C21orf91: variants seen among roughly 807,000 people sequenced by gnomAD.
C21orf91 encodes the protein chromosome 21 open reading frame 91.
C21orf91 carries 26 observed loss-of-function variants against 32.9 expected under a neutral mutation model. The ratio of observed to expected loss-of-function variants is 0.79; its 90% CI spans 0.58 to 1.10. The LOEUF (loss-of-function observed/expected upper bound fraction) is 1.10. Among genes scored for constraint, C21orf91 ranks in the 50% least tolerant of loss-of-function variants. C21orf91 has a pLI of 0.00. For synonymous variants in C21orf91, 126 were observed against 120.4 expected (o/e 1.05, Z -0.31); for missense variants, 310 against 341.3 (o/e 0.91, Z 0.72).
chr21:17,791,438 T>C lies in C21orf91; in HGVS notation c.*1977A>G, dbSNP rs2062473196. On this transcript the variant is annotated 3_prime_UTR_variant, in exon 5 of 5. Coordinates refer to ENST00000284881, the MANE Select transcript of C21orf91 (RefSeq NM_001100420.2). ...AAACTCCTTTCTTTGGATAACACTGTTGTATTCAGGACTGCAACTTATGGC... is the reference window on the plus strand; with the variant it reads ...AAACTCCTTTCTTTGGATAACACTGCTGTATTCAGGACTGCAACTTATGGC... 6.6e-6 allele frequency: 1 copy of C among 152,148 alleles called. No homozygotes were observed. Among genetic ancestry groups the C allele is most frequent in the African/African-American group, 2.4e-5 (1 of 41,452 alleles). The allele number at this position is 152,148 out of a possible 1,614,324, so 9.4% of individuals were successfully genotyped here. A position where few individuals can be genotyped will look rare whatever the true frequency, so the allele number is the denominator to read the frequency against.
rs753200483 is a variant in C21orf91 at position 17,797,135 on chromosome 21, GAAAC to G, written c.128-21_128-18del. ...TTGGTACCCCTATGGAAAAAAAAGA[GAAAC>G]AAAAGACTTGAGAAATTTTGTTTTC... On this transcript the variant is annotated intron_variant, in intron 2 of 4. Transcript: ENST00000284881. The G allele has an allele frequency of 6.6e-7, 1 of 1,522,216 alleles. No homozygotes were observed. The highest frequency in any genetic ancestry group is 1.3e-5 in the South Asian group (1 of 78,852). 94.3% of individuals were successfully genotyped at this position (1,522,216 alleles called of 1,614,324 possible).
intron 2 of C21orf91, among the ~76,000 whole-genome samples, chr21:17,800,319 A>G (rs995582118): frequency 2.6e-5 from 4 of 152,210 alleles, no homozygotes; most frequent in African/African-American, 9.6e-5. Flanking sequence ...CAGCAGTAGC[A>G]TAGGAAACAA....
chr21:17,809,600 G>C (rs954961384), intron 2 of C21orf91, among the ~76,000 whole-genome samples: 1 of 152,106 alleles, frequency 6.6e-6, no homozygotes, highest in African/African-American at 2.4e-5. Context: ...AAACTGGAAG[G>C]TGCTTTTAGT....
At chr21:17,803,516 T>TA (rs967029761) in intron 2 of C21orf91, among the ~76,000 whole-genome samples, 3 of 151,686 alleles carry the variant, frequency 2.0e-5, no homozygotes, top group South Asian at 2.1e-4. Context: ...CCCTGTGTCT[T>TA]AAAAAAAAGA....
At chr21:17,809,139 T>C (rs556774296) in intron 2 of C21orf91, among the ~76,000 whole-genome samples, 3 of 152,310 alleles carry the variant, frequency 2.0e-5, no homozygotes, top group African/African-American at 7.2e-5. Flanking sequence ...CTTCATAAAT[T>C]ACCCAGTCTC....
intron 2 of C21orf91, among the ~76,000 whole-genome samples, chr21:17,806,478 A>G (rs1204406065): frequency 6.6e-6 from 1 of 151,386 alleles, no homozygotes; most frequent in Non-Finnish European, 1.5e-5. Context: ...TTACATAGAA[A>G]ATAACTGTAG....
At chr21:17,799,467 C>T (rs529172588) in intron 2 of C21orf91, among the ~76,000 whole-genome samples, 2 of 152,248 alleles carry the variant, frequency 1.3e-5, no homozygotes, top group Admixed American at 6.5e-5. Context: ...CCTGGGTGTC[C>T]TCCTTGAAAG....
At position 17,815,515 on chromosome 21, in the gene C21orf91, C is replaced by T. The variant is rs1012958635; in HGVS notation, c.127+2677G>A. Among the ~76,000 whole-genome samples, 5 of 152,094 alleles carry T rather than the reference C, an allele frequency of 3.3e-5. 1 individual carries two copies. The highest frequency in any genetic ancestry group is 4.8e-5 in the African/African-American group (2 of 41,480). On this transcript the variant is annotated intron_variant, in intron 2 of 4. Coordinates refer to ENST00000284881, the MANE Select transcript of C21orf91 (RefSeq NM_001100420.2). ...TTCAAAAATATTTTAAAAGATTTAC[C>T]GACAACAAATATACCTTGTTATTTT...
At chr21:17,818,142 C>G in intron 2 of C21orf91, 50 bp downstream of exon 2, 1 of 1,437,152 alleles carries the variant, frequency 7.0e-7, no homozygotes, top group Non-Finnish European at 9.7e-7. Flanking sequence ...CAGTACAAAG[C>G]AGCTGTGTTA....
At chr21:17,799,472 T>G (rs547666641) in intron 2 of C21orf91, among the ~76,000 whole-genome samples, 1 of 152,284 alleles carries the variant, frequency 6.6e-6, no homozygotes, top group South Asian at 2.1e-4. Context: ...GTGTCCTCCT[T>G]GAAAGCTCTT....
chr21:17,796,684 A>C lies in C21orf91; in HGVS notation c.562T>G (p.Leu188Val). ...GCCTGGTTGTGACTATGAGGCCACA[A>C]TACACTGTTACGACATAAAGTGGCA... ...SGATLCRNSV[L>V]WPHSHNQAQK... Residue 188 changes from leucine (L) to valine (V), a missense_variant, in exon 3 of 5, where the codon TTG becomes GTG. Leu to Val is a conservative substitution (Grantham distance 32). Transcript: ENST00000284881. The C allele has an allele frequency of 6.2e-7, 1 of 1,613,970 alleles. No individual in the cohort carries two copies. Among genetic ancestry groups the C allele is most frequent in the Non-Finnish European group, 8.5e-7 (1 of 1,179,822 alleles).
intron 2 of C21orf91, among the ~76,000 whole-genome samples, chr21:17,812,609 A>C (rs1437380820): frequency 6.6e-6 from 1 of 152,134 alleles, no homozygotes; most frequent in East Asian, 1.9e-4. Context: ...GGAGATCGAG[A>C]CCATCCTGGC....
At position 17,789,165 on chromosome 21, in the gene C21orf91, T is replaced by C. The variant is rs1341721348; in HGVS notation, c.*4250A>G. ...CAGTTTCATTTTCTTTTTCCAAAAG[T>C]CTTAACACAATTTTGTAAAGTAAAT... is the stretch of plus-strand genomic sequence containing the variant. On this transcript the variant is annotated 3_prime_UTR_variant, in exon 5 of 5. Transcript: ENST00000284881. 1.3e-5 allele frequency: 2 copies of C among 152,188 alleles called. No individual in the cohort carries two copies. The highest frequency in any genetic ancestry group is 4.8e-5 in the African/African-American group (2 of 41,506). 9.4% of individuals were successfully genotyped at this position (152,188 alleles called of 1,614,324 possible).
At chr21:17,805,292 T>C (rs1343658614) in intron 2 of C21orf91, among the ~76,000 whole-genome samples, 1 of 152,192 alleles carries the variant, frequency 6.6e-6, no homozygotes, top group Non-Finnish European at 1.5e-5. Context: ...CTATCACCAT[T>C]TCTTTTAAAA....
At chr21:17,809,943 A>C (rs1162782558) in intron 2 of C21orf91, among the ~76,000 whole-genome samples, 1 of 152,218 alleles carries the variant, frequency 6.6e-6, no homozygotes, top group East Asian at 1.9e-4. Flanking sequence ...GCTACCAGAA[A>C]TAAGATACAT....
intron 2 of C21orf91, among the ~76,000 whole-genome samples, chr21:17,808,059 G>C (rs1237736564): frequency 6.6e-6 from 1 of 152,224 alleles, no homozygotes; most frequent in East Asian, 1.9e-4. Flanking sequence ...ATGCCTTGAA[G>C]GCATTTCAGA....
intron 2 of C21orf91, among the ~76,000 whole-genome samples, chr21:17,815,236 G>A (rs2062657594): frequency 1.3e-5 from 2 of 152,132 alleles, no homozygotes; most frequent in Non-Finnish European, 2.9e-5. Flanking sequence ...TACTACAAAT[G>A]TATGGACTCA....
At chr21:17,805,019 GCTAC>G (rs1479690781) in intron 2 of C21orf91, among the ~76,000 whole-genome samples, 1 of 152,198 alleles carries the variant, frequency 6.6e-6, no homozygotes, top group Non-Finnish European at 1.5e-5. Context: ...CCTTAATGTA[GCTAC>G]CTGTTTTTTA....
chr21:17,797,501 T>C (rs1187707131), intron 2 of C21orf91, among the ~76,000 whole-genome samples: 1 of 151,682 alleles, frequency 6.6e-6, no homozygotes, highest in East Asian at 1.9e-4. Context: ...ATCTATAATA[T>C]TATGAGGTTC....
Sources: allele counts gnomAD v4.1 joint callset (sites outside exome capture counted in the v4.1 genomes callset), GRCh38; gene constraint gnomAD v4.1.1; transcripts MANE v1.5; gene names NCBI Gene and HGNC (gene_info 2026-07-23, HGNC 2026-07-21).